Variants in TTR observed in about 807,000 individuals in gnomAD.
TTR encodes the protein epididymis luminal protein 111.
Under a neutral mutation model 13.7 loss-of-function variants are expected in TTR, and 8 were observed. The ratio of observed to expected loss-of-function variants is 0.58; its 90% CI spans 0.34 to 1.05. The LOEUF (loss-of-function observed/expected upper bound fraction) is 1.05, where lower values mean the gene tolerates loss of function less well. Among genes scored for constraint, TTR ranks in the 50% least tolerant of loss-of-function variants. The pLI is 0.02. For missense variants in TTR, 135 were observed against 185.5 expected (o/e 0.73, Z 1.58); for synonymous variants, 75 against 71.7 (o/e 1.05, Z -0.23).
chr18:31,598,446 C>G (rs1193667255), intron 3 of TTR, 122 bp from the exon 4 acceptor site: 2 of 1,006,198 alleles, frequency 2.0e-6, no homozygotes, highest in East Asian at 5.2e-5. Flanking sequence ...TCAAACTGTT[C>G]CAAAATATAA....
intron 3 of TTR, among the ~76,000 whole-genome samples, chr18:31,596,657 T>C (rs1230176691): frequency 1.4e-5 from 2 of 146,026 alleles, no homozygotes; most frequent in East Asian, 4.0e-4. Flanking sequence ...TCTTGCAGTA[T>C]TCATTCAACA....
At chr18:31,594,076 A>G (rs2073502599) in intron 2 of TTR, among the ~76,000 whole-genome samples, 1 of 152,212 alleles carries the variant, frequency 6.6e-6, no homozygotes, top group South Asian at 2.1e-4. Flanking sequence ...GGACTATTCT[A>G]AGGGAGAGAC....
intron 2 of TTR, 90 bp from the exon 3 acceptor site, chr18:31,595,030 T>G: frequency 1.5e-6 from 2 of 1,362,568 alleles, no homozygotes; most frequent in Non-Finnish European, 2.1e-6. Flanking sequence ...TATAACATGT[T>G]TATGTGTGTT....
chr18:31,596,184 G>A (rs1488007058), intron 3 of TTR: 1 of 154,424 alleles, frequency 6.5e-6, no homozygotes, highest in Non-Finnish European at 1.5e-5. Flanking sequence ...ATCCAGACAT[G>A]TTGGTCAGAG....
intron 3 of TTR, among the ~76,000 whole-genome samples, chr18:31,597,522 G>A (rs751127902): frequency 6.6e-6 from 1 of 152,028 alleles, no homozygotes; most frequent in Non-Finnish European, 1.5e-5. Flanking sequence ...ACTTCCTCTT[G>A]CCCCAGTATT....
chr18:31,594,721 A>G (rs2073507078), intron 2 of TTR, among the ~76,000 whole-genome samples: 1 of 152,056 alleles, frequency 6.6e-6, no homozygotes, highest in Non-Finnish European at 1.5e-5. Flanking sequence ...AAAATTAGCC[A>G]GGCATGGTGG....
chr18:31,597,718 A>G (rs1387786446), intron 3 of TTR, among the ~76,000 whole-genome samples: 2 of 152,130 alleles, frequency 1.3e-5, no homozygotes, highest in African/African-American at 4.8e-5. Flanking sequence ...CTCTTTCCTG[A>G]CCTCAATATA....
chr18:31,597,777 C>T (rs923162654), intron 3 of TTR, among the ~76,000 whole-genome samples: 2 of 152,166 alleles, frequency 1.3e-5, no homozygotes, highest in South Asian at 2.1e-4. Flanking sequence ...GCACCTGAGT[C>T]GCAGATATTC....
At chr18:31,593,096 G>C in intron 2 of TTR, 70 bp downstream of exon 2, 1 of 1,605,034 alleles carries the variant, frequency 6.2e-7, no homozygotes, top group Non-Finnish European at 8.5e-7. Flanking sequence ...TTGGTAGAGA[G>C]AGGCTCACAT....
rs769870882 is a variant in TTR at position 31,595,113 on chromosome 18, C to T, written c.201-7C>T. 2 of 1,614,022 alleles carry T rather than the reference C, an allele frequency of 1.2e-6. No individual in the cohort carries two copies. The highest frequency in any genetic ancestry group is 3.3e-5 in the Admixed American group (2 of 60,004). On this transcript the variant is annotated splice_polypyrimidine_tract_variant and splice_region_variant and intron_variant, in intron 2 of 3. Transcript: ENST00000237014. The stretch of plus-strand genomic sequence containing the variant: ...CGTAACTTAATCCAGACTTTCACAC[C>T]TTATAGGAAAACCAGTGAGTCTGGA...
chr18:31,597,508 T>A (rs937587510), intron 3 of TTR, among the ~76,000 whole-genome samples: 1 of 152,176 alleles, frequency 6.6e-6, no homozygotes, highest in Admixed American at 6.5e-5. Flanking sequence ...CTTAGGTGAT[T>A]CTCACTTCCT....
chr18:31,592,859 A>G (rs913561157), intron 1 of TTR, 37 bp from the exon 2 acceptor site: 1 of 1,612,342 alleles, frequency 6.2e-7, no homozygotes, highest in African/African-American at 1.3e-5. Flanking sequence ...ACTCTGATCA[A>G]TTTTGTTAAC....
intron 2 of TTR, among the ~76,000 whole-genome samples, chr18:31,594,615 G>A (rs1286069586): frequency 1.3e-5 from 2 of 152,206 alleles, no homozygotes; most frequent in African/African-American, 4.8e-5. Flanking sequence ...TGTAATCCCA[G>A]CACTTTGGGA....
chr18:31,597,152 C>A (rs545064647), intron 3 of TTR: 1 of 152,226 alleles, frequency 6.6e-6, no homozygotes, highest in Admixed American at 6.5e-5. Context: ...TCAAGCAATT[C>A]TCCTGCCTCA....
intron 2 of TTR, among the ~76,000 whole-genome samples, chr18:31,594,799 G>A (rs1378074613): frequency 6.6e-6 from 1 of 152,110 alleles, no homozygotes; most frequent in African/African-American, 2.4e-5. Context: ...AGGAGGCAGA[G>A]GTTGCAGTGA....
At chr18:31,595,549 G>C in intron 3 of TTR, 1 of 497,354 alleles carries the variant, frequency 2.0e-6, no homozygotes, top group Non-Finnish European at 3.8e-6. Context: ...TGAAATAATA[G>C]TTTATGAGGC....
chr18:31,598,752 G>T lies in TTR; in HGVS notation c.*77G>T, dbSNP rs2073529816. 2.0e-6 allele frequency: 3 copies of T among 1,489,452 alleles called. No individual in the cohort carries two copies. The Middle Eastern group carries it at 5.7e-4, about 283-fold the overall frequency. 92.3% of individuals were successfully genotyped at this position (1,489,452 alleles called of 1,614,324 possible). A position where few individuals can be genotyped will look rare whatever the true frequency, so the allele number is the denominator to read the frequency against. On this transcript the variant is annotated 3_prime_UTR_variant, in exon 4 of 4. Transcript: ENST00000237014. ...CCAAGAGTATTCCATTTTTACTAAA[G>T]CAGTGTTTTCACCTCATATGCTATG...
At chr18:31,594,579 C>G (rs986125453) in intron 2 of TTR, among the ~76,000 whole-genome samples, 2 of 152,086 alleles carry the variant, frequency 1.3e-5, no homozygotes, top group African/African-American at 4.8e-5. Context: ...AAACATTATA[C>G]CTGGCCGGGC....
chr18:31,594,911 AT>A (rs1301538783), intron 2 of TTR, among the ~76,000 whole-genome samples: 3 of 152,176 alleles, frequency 2.0e-5, no homozygotes, highest in African/African-American at 7.2e-5. Flanking sequence ...AGAGAAAAAA[AT>A]CTACAGTGAG....
Sources: gnomAD v4.1 joint callset for allele counts (sites outside exome capture counted in the v4.1 genomes callset) on GRCh38, gnomAD v4.1.1 for gene constraint, MANE v1.5 for transcripts, NCBI Gene and HGNC (gene_info 2026-07-23, HGNC 2026-07-21) for gene names.